Variants in GALNT2 observed in about 807,000 individuals in gnomAD.
GALNT2 encodes the protein polypeptide N-acetylgalactosaminyltransferase 2, also known as UDP-GalNAc:polypeptide N-acetylgalactosaminyltransferase 2.
GALNT2 carries 31 observed loss-of-function variants against 81.4 expected under a neutral mutation model. The observed-to-expected ratio is 0.38, with a 90% CI of 0.29 to 0.51. The LOEUF (loss-of-function observed/expected upper bound fraction) is 0.51. GALNT2 is among the 20% of genes least tolerant of loss of function. The pLI, the probability that GALNT2 is intolerant of heterozygous loss-of-function variation, is 0.87. For synonymous variants in GALNT2, 303 were observed against 287.4 expected (o/e 1.05, Z -0.55); for missense variants, 629 against 765.7 (o/e 0.82, Z 2.11).
At position 230,070,300 on chromosome 1, in the gene GALNT2, G is replaced by T. The variant is rs917927008; in HGVS notation, c.126+2894G>T. On this transcript the variant is annotated intron_variant, in intron 1 of 15. Transcript: ENST00000366672. This position sits in a 1 kb window ranked among gnomAD's most constrained non-coding sequence, Gnocchi z 4.7. ...TAAATTGATGATTTGCACTTCAAGCGTGCCTTTCCTTTGAGCTTCTTAAAT... is the reference window on the plus strand; with the variant it reads ...TAAATTGATGATTTGCACTTCAAGCTTGCCTTTCCTTTGAGCTTCTTAAAT... 6.6e-6 allele frequency among the ~76,000 whole-genome samples: 1 copy of T among 152,064 alleles called. No homozygotes were observed. The highest frequency in any genetic ancestry group is 6.5e-5 in the Admixed American group (1 of 15,278).
At chr1:230,244,854 C>T (rs573567042) in intron 7 of GALNT2, among the ~76,000 whole-genome samples, 2 of 151,474 alleles carry the variant, frequency 1.3e-5, no homozygotes, top group South Asian at 2.1e-4. Context: ...GCAGTGTTTG[C>T]GTGTTCCTAA....
intron 1 of GALNT2, among the ~76,000 whole-genome samples, chr1:230,094,923 G>A (rs572165694): frequency 7.5e-4 from 114 of 152,248 alleles, no homozygotes; most frequent in Non-Finnish European, 1.5e-3. Context: ...TAGATGTGCC[G>A]TAGCTCCTAC....
At chr1:230,137,153 T>C (rs563472561) in intron 1 of GALNT2, among the ~76,000 whole-genome samples, 1 of 152,266 alleles carries the variant, frequency 6.6e-6, no homozygotes, top group South Asian at 2.1e-4. Flanking sequence ...CAATAAGCTT[T>C]GGGGGAGCCA....
chr1:230,246,120 T>C lies in GALNT2; in HGVS notation c.787T>C (p.Tyr263His). The stretch of plus-strand genomic sequence containing the variant: ...TGTCATTAATATGGACAACTTTCAG[T>C]ATGTGGGGGCATCTGCTGACTTGAA... Reference protein sequence around the residue: ...IDVINMDNFQYVGASADLKGG... With the variant: ...IDVINMDNFQHVGASADLKGG... The change falls in exon 8 of 16, where the codon TAT becomes CAT. Residue 263 changes from tyrosine to histidine, a missense_variant. By Grantham distance (83) the Tyr-to-His change is moderately conservative. Transcript: ENST00000366672. The C allele has an allele frequency of 6.2e-7, 1 of 1,614,106 alleles. No individual in the cohort carries two copies. The highest frequency in any genetic ancestry group is 8.5e-7 in the Non-Finnish European group (1 of 1,179,990).
chr1:230,232,122 T>A (rs1558151483), intron 3 of GALNT2, among the ~76,000 whole-genome samples: 1 of 152,184 alleles, frequency 6.6e-6, no homozygotes, highest in Non-Finnish European at 1.5e-5. Context: ...TTTTTCTTTT[T>A]AAAGACATGT....
chr1:230,086,944 A>G (rs1486321915), intron 1 of GALNT2, among the ~76,000 whole-genome samples: 3 of 152,114 alleles, frequency 2.0e-5, no homozygotes, highest in African/African-American at 7.2e-5. Flanking sequence ...CCTCTACGAG[A>G]TGGAGTTTAT....
At chr1:230,113,775 G>C (rs1286298022) in intron 1 of GALNT2, among the ~76,000 whole-genome samples, 1 of 152,152 alleles carries the variant, frequency 6.6e-6, no homozygotes, top group African/African-American at 2.4e-5. Flanking sequence ...AGATAAAAGA[G>C]GTCATGATCT....
In GALNT2 at chr1:230,229,385, C is replaced by T. The variant is rs116018385; in HGVS notation, c.375-6629C>T. ...AGGTACATGAAAGTTAAAATGATGA[C>T]TACTTCATACCAATCTGGTTGGCAA... is the stretch of plus-strand genomic sequence containing the variant. On this transcript the variant is annotated intron_variant, in intron 3 of 15. Transcript: ENST00000366672. Among the ~76,000 whole-genome samples, 583 of 152,294 alleles carry T rather than the reference C, an allele frequency of 3.8e-3. 7 individuals carry two copies. Among genetic ancestry groups the T allele is most frequent in the African/African-American group, 0.014 (565 of 41,568 alleles).
At chr1:230,225,222 T>C (rs1172850133) in intron 3 of GALNT2, among the ~76,000 whole-genome samples, 1 of 152,276 alleles carries the variant, frequency 6.6e-6, no homozygotes, top group African/African-American at 2.4e-5. Context: ...CAACAGCTAA[T>C]GAACTTTTTT....
intron 1 of GALNT2, among the ~76,000 whole-genome samples, chr1:230,094,422 C>G (rs73105889): frequency 0.43 from 64,735 of 151,696 alleles, 13,813 homozygotes; most frequent in South Asian, 0.53. Context: ...ATTACCTGAG[C>G]TCAGGAGTTT....
intron 1 of GALNT2, among the ~76,000 whole-genome samples, chr1:230,145,904 AAAG>A (rs1426786415): frequency 6.6e-6 from 1 of 152,218 alleles, no homozygotes; most frequent in Non-Finnish European, 1.5e-5. Context: ...TGTGCCTTTC[AAAG>A]ATGCTCGCCG....
At chr1:230,088,481 A>G (rs533804285) in intron 1 of GALNT2, among the ~76,000 whole-genome samples, 28 of 151,658 alleles carry the variant, frequency 1.8e-4, no homozygotes, top group South Asian at 1.0e-3. Context: ...TAGCCATTGT[A>G]AAGTATACAG....
At chr1:230,144,989 G>C (rs150552382) in intron 1 of GALNT2, among the ~76,000 whole-genome samples, 170 of 152,202 alleles carry the variant, frequency 1.1e-3, no homozygotes, top group African/African-American at 3.9e-3. Flanking sequence ...CTCCTCTCTT[G>C]CTTGGTAACC....
At chr1:230,268,967 G>C (rs1310852202) in intron 14 of GALNT2, among the ~76,000 whole-genome samples, 2 of 152,144 alleles carry the variant, frequency 1.3e-5, no homozygotes, top group Admixed American at 6.5e-5. Context: ...AACAAGATCG[G>C]GTCTGCAGGG....
intron 2 of GALNT2, among the ~76,000 whole-genome samples, chr1:230,200,971 C>G (rs1432459983): frequency 6.6e-6 from 1 of 152,174 alleles, no homozygotes; most frequent in African/African-American, 2.4e-5. Context: ...GCTTCAAAGC[C>G]TCTTTTGTAT....
Position 230,241,687 on chromosome 1 carries a change from T to G in GALNT2, c.608-1619T>G, listed in dbSNP as rs139796525. 4.3e-3 allele frequency among the ~76,000 whole-genome samples: 654 copies of G among 152,330 alleles called. 2 individuals carry two copies. The highest frequency in any genetic ancestry group is 7.4e-3 in the Non-Finnish European group (501 of 68,032). On this transcript the variant is annotated intron_variant, in intron 6 of 15. Coordinates refer to ENST00000366672, the MANE Select transcript of GALNT2 (RefSeq NM_004481.5). The stretch of plus-strand genomic sequence containing the variant: ...GTCTTGAACTCCTGACCTCAGGTGA[T>G]CTGCCCACCTCAGCCTCCCAAAGTG...
chr1:230,270,578 C>G (rs1003249537), intron 14 of GALNT2, among the ~76,000 whole-genome samples: 1 of 152,198 alleles, frequency 6.6e-6, no homozygotes, highest in African/African-American at 2.4e-5. Context: ...CAGTACGGCT[C>G]AGATATTCCA....
intron 2 of GALNT2, among the ~76,000 whole-genome samples, chr1:230,187,987 G>A (rs370534978): frequency 2.0e-5 from 3 of 152,120 alleles, no homozygotes; most frequent in Non-Finnish European, 2.9e-5. Context: ...GGCAACATTC[G>A]GGCAGGAAAA....
At chr1:230,202,857 G>A (rs1663942808) in intron 2 of GALNT2, among the ~76,000 whole-genome samples, 2 of 152,236 alleles carry the variant, frequency 1.3e-5, no homozygotes, top group Non-Finnish European at 2.9e-5. Context: ...TGATGCCACA[G>A]TTACAGGTAC....
Sources: gnomAD v4.1 joint callset for allele counts (sites outside exome capture counted in the v4.1 genomes callset) on GRCh38, gnomAD v4.1.1 for gene constraint, Gnocchi (gnomAD v3.1) non-coding constraint, MANE v1.5 for transcripts, NCBI Gene and HGNC (gene_info 2026-07-23, HGNC 2026-07-21) for gene names.